Variants in LPA observed in about 807,000 individuals in gnomAD.
LPA encodes lipoprotein(a).
LPA carries 199 observed loss-of-function variants against 197.9 expected under a neutral mutation model. That is an observed-to-expected ratio of 1.01 (90% CI 0.90 to 1.13). The LOEUF (loss-of-function observed/expected upper bound fraction) is 1.13. Among genes scored for constraint, LPA ranks in the 50% most tolerant of loss-of-function variants. The pLI is 0.00. For missense variants in LPA, 1,853 were observed against 1,785.8 expected, an observed-to-expected ratio of 1.04 and a Z score of -0.68; for synonymous variants, 715 against 639.5, an observed-to-expected ratio of 1.12 and a Z score of -1.78.
rs148751036 is a variant in LPA at position 160,547,897 on chromosome 6, C to T, written c.5196G>A (p.Lys1732=). 1.2e-4 allele frequency: 200 copies of T among 1,614,082 alleles called. No homozygotes were observed. In the African/African-American group the frequency reaches 2.3e-3, roughly 18 times the overall value. The change falls in exon 32 of 39, where the codon AAG becomes AAA. Residue 1732 remains lysine, a synonymous_variant. Transcript: ENST00000316300. ...FGNGKGYRGK[K]ATTVTGTPCQ... ...ATGGCGTCCCAGTAACAGTGGTTGC[C>T]TTCTTGCCCCGGTATCCTTTCCCAT...
chr6:160,561,247 G>A (rs1778356833), intron 28 of LPA, among the ~76,000 whole-genome samples: 1 of 152,170 alleles, frequency 6.6e-6, no homozygotes, highest in Admixed American at 6.5e-5. Context: ...TTGTGTATAA[G>A]GTGTAAGGAA....
At chr6:160,609,261 T>G (rs1353390577) in intron 16 of LPA, among the ~76,000 whole-genome samples, 2 of 152,140 alleles carry the variant, frequency 1.3e-5, no homozygotes, top group Non-Finnish European at 2.9e-5. Context: ...TATGCATTTA[T>G]CCAACATGGA....
chr6:160,650,298 C>T (rs1340958447), intron 2 of LPA, 40 bp downstream of exon 2: 16 of 1,608,868 alleles, frequency 9.9e-6, no homozygotes, highest in Admixed American at 1.7e-5. Context: ...ACAAATTTTA[C>T]TTGGACCTTG....
At chr6:160,585,711 AC>A (rs1195084212) in intron 25 of LPA, among the ~76,000 whole-genome samples, 1 of 152,176 alleles carries the variant, frequency 6.6e-6, no homozygotes, top group Non-Finnish European at 1.5e-5. Context: ...AGGTAAAGAC[AC>A]ATTGCCTCTC....
chr6:160,545,387 T>C lies in LPA; in HGVS notation c.5398+53A>G, dbSNP rs990229151. 14 of 1,319,460 alleles carry C rather than the reference T, an allele frequency of 1.1e-5. No individual in the cohort carries two copies. The African/African-American group carries it at 1.5e-4, about 14-fold the overall frequency. 81.7% of individuals were successfully genotyped at this position (1,319,460 alleles called of 1,614,324 possible). A position where few individuals can be genotyped will look rare whatever the true frequency, so the allele number is the denominator to read the frequency against. On this transcript the variant is annotated intron_variant, in intron 33 of 38. Coordinates refer to ENST00000316300, the MANE Select transcript of LPA (RefSeq NM_005577.4). ...TTTCTGTTTTTTTTGCTTTTTTTTT[T>C]CCAAATCCATATTAAGGAAGCAGTT...
intron 8 of LPA, among the ~76,000 whole-genome samples, chr6:160,631,789 G>C (rs1388881388): frequency 1.3e-5 from 2 of 151,764 alleles, no homozygotes; most frequent in Non-Finnish European, 2.9e-5. Flanking sequence ...AGCCATCCTT[G>C]ATTCCGGTAT....
chr6:160,595,757 T>C (rs1003164073), intron 20 of LPA, among the ~76,000 whole-genome samples: 3 of 152,186 alleles, frequency 2.0e-5, no homozygotes, highest in Admixed American at 6.5e-5. Flanking sequence ...TCATCTGTGC[T>C]CCATAAGAAA....
intron 1 of LPA, among the ~76,000 whole-genome samples, chr6:160,660,427 T>TCC (rs1780205504): frequency 6.6e-6 from 1 of 152,198 alleles, no homozygotes; most frequent in Admixed American, 6.5e-5. Flanking sequence ...CTCCTGCTCA[T>TCC]ATCTAGCTAT....
chr6:160,560,997 C>G (rs181686026), intron 28 of LPA, among the ~76,000 whole-genome samples: 2 of 152,200 alleles, frequency 1.3e-5, no homozygotes, highest in East Asian at 3.9e-4. Context: ...GCAAGCTCAA[C>G]CTCCTCAGCT....
chr6:160,536,109 G>A (rs904348730), intron 37 of LPA, among the ~76,000 whole-genome samples: 4 of 152,176 alleles, frequency 2.6e-5, no homozygotes, highest in Admixed American at 6.5e-5. Flanking sequence ...TTCTCAGAGT[G>A]GGCAGACTAT....
intron 17 of LPA, among the ~76,000 whole-genome samples, chr6:160,605,905 G>A (rs1003030815): frequency 1.3e-5 from 2 of 152,244 alleles, no homozygotes. Flanking sequence ...AGAACACGGG[G>A]CAGTCACTCA....
rs188261932 is a variant in LPA, at chr6:160,550,666, G to A, written c.4974-2007C>T. Among the ~76,000 whole-genome samples, 18 of 152,208 alleles carry A rather than the reference G, an allele frequency of 1.2e-4. No homozygotes were observed. In the East Asian group the frequency reaches 1.4e-3, roughly 11 times the overall value. On this transcript the variant is annotated intron_variant, in intron 30 of 38. Coordinates refer to ENST00000316300, the MANE Select transcript of LPA (RefSeq NM_005577.4). ...TTACATCACCCCAGAAAAAAACTTC[G>A]TTTTACTGCTCAATCAATCTCTGCT... is the stretch of plus-strand genomic sequence containing the variant.
At chr6:160,590,112 C>T (rs967688970) in intron 23 of LPA, among the ~76,000 whole-genome samples, 6 of 152,206 alleles carry the variant, frequency 3.9e-5, no homozygotes, top group African/African-American at 1.4e-4. Flanking sequence ...TCACACATTT[C>T]TCCAGAGCAC....
intron 26 of LPA, among the ~76,000 whole-genome samples, chr6:160,582,597 G>A (rs1364137301): frequency 6.6e-6 from 1 of 151,880 alleles, no homozygotes; most frequent in Non-Finnish European, 1.5e-5. Flanking sequence ...TTTCCCTTGG[G>A]CTTCAAATAA....
At chr6:160,584,170 TTTCTTCTTCTTCTTCTTCTTC>T (rs56164694) in intron 26 of LPA, among the ~76,000 whole-genome samples, 3,005 of 103,226 alleles carry the variant, frequency 0.029, 72 homozygotes, top group African/African-American at 0.041. Flanking sequence ...TCATTTCTAT[TTTCTTCTTCTTCTTCTTCTTC>T]TTCTTCTTCT....
At chr6:160,581,130 GT>G (rs1329348348) in intron 26 of LPA, among the ~76,000 whole-genome samples, 1 of 151,964 alleles carries the variant, frequency 6.6e-6, no homozygotes, top group African/African-American at 2.4e-5. Flanking sequence ...ATTTGTTATA[GT>G]TTTTTTCTAT....
At chr6:160,598,274 A>G (rs1026808210) in intron 20 of LPA, among the ~76,000 whole-genome samples, 6 of 152,272 alleles carry the variant, frequency 3.9e-5, no homozygotes, top group African/African-American at 1.4e-4. Context: ...TTAGACTAAC[A>G]CTTGAGGAGA....
chr6:160,537,990 T>G (rs766181498), intron 36 of LPA, 29 bp from the exon 37 acceptor site: 1 of 1,599,366 alleles, frequency 6.3e-7, no homozygotes, highest in South Asian at 1.1e-5. Flanking sequence ...CAGTTATGTT[T>G]CACTGCCCAG....
intron 35 of LPA, among the ~76,000 whole-genome samples, chr6:160,540,433 C>T (rs935455611): frequency 6.6e-5 from 10 of 152,082 alleles, no homozygotes; most frequent in African/African-American, 2.4e-4. Flanking sequence ...AACTGTAGTC[C>T]CCAGTGATGG....
Sources: gnomAD v4.1 joint callset for allele counts (sites outside exome capture counted in the v4.1 genomes callset) on GRCh38, gnomAD v4.1.1 for gene constraint, MANE v1.5 for transcripts, NCBI Gene and HGNC (gene_info 2026-07-23, HGNC 2026-07-21) for gene names.